Variants in PWWP3B observed in about 807,000 individuals in gnomAD.
The protein encoded by PWWP3B is PWWP domain-containing DNA repair factor 3B.
A neutral mutation model predicts 15.7 loss-of-function variants in PWWP3B; 5 were observed. The ratio of observed to expected loss-of-function variants is 0.32; its 90% CI spans 0.17 to 0.67. The LOEUF (loss-of-function observed/expected upper bound fraction) is 0.67. Among genes scored for constraint, PWWP3B ranks in the 30% least tolerant of loss-of-function variants. The pLI is 0.74. For synonymous variants in PWWP3B, 203 were observed against 179.8 expected (o/e 1.13, Z -1.03); for missense variants, 519 against 493.1 (o/e 1.05, Z -0.50).
intron 2 of PWWP3B, among the ~76,000 whole-genome samples, chrX:106,173,801 A>G (rs1921748474): frequency 8.9e-6 from 1 of 111,829 alleles, no homozygotes. Context: ...CTAGGTTAAT[A>G]TAGAGATACA....
At chrX:106,180,009 C>T (rs1209945068) in intron 2 of PWWP3B, among the ~76,000 whole-genome samples, 1 of 111,237 alleles carries the variant, frequency 9.0e-6, no homozygotes, top group Non-Finnish European at 1.9e-5. Flanking sequence ...CCGTGGCAGC[C>T]ATTATGAATC....
At chrX:106,197,904 T>C (rs1248157181) in intron 2 of PWWP3B, among the ~76,000 whole-genome samples, 1 of 112,030 alleles carries the variant, frequency 8.9e-6, no homozygotes, top group South Asian at 3.7e-4. Context: ...TACAGCTTTT[T>C]ATATCCTAAG....
intron 2 of PWWP3B, chrX:106,177,208 T>G (rs781391970): frequency 8.1e-4 from 92 of 112,992 alleles, no homozygotes; most frequent in African/African-American, 2.8e-3. Flanking sequence ...AACTTGGTGA[T>G]CCTCTTCCCT....
intron 2 of PWWP3B, among the ~76,000 whole-genome samples, chrX:106,201,031 G>GAGTA (rs941126136): frequency 1.9e-5 from 2 of 106,581 alleles, no homozygotes; most frequent in African/African-American, 6.9e-5. Flanking sequence ...CTGGGCGACA[G>GAGTA]AGTAAGACTC....
At chrX:106,185,091 C>A (rs999975599) in intron 2 of PWWP3B, among the ~76,000 whole-genome samples, 1 of 111,805 alleles carries the variant, frequency 8.9e-6, no homozygotes. Context: ...TCCATTTGCC[C>A]TCCCTGTTAC....
intron 2 of PWWP3B, among the ~76,000 whole-genome samples, chrX:106,188,627 C>A (rs183832546): frequency 4.9e-4 from 55 of 112,270 alleles, no homozygotes; most frequent in African/African-American, 1.6e-3. Context: ...GCTGTATAAC[C>A]TTTCCTTTAC....
In PWWP3B at chrX:106,205,650, A is replaced by AGAGCAGT; in HGVS notation, c.219_220insAGCAGTG (p.Glu75SerfsTer27). ...GCCATTGCTGCCTCATTAGGACTAC[A>AGAGCAGT]GTCAGAGGACAGTGCTCCACCTACA... On this transcript the variant is annotated frameshift_variant, in exon 4 of 4. Transcript: ENST00000357175. LOFTEE classifies it low-confidence loss of function (END_TRUNC). 8.3e-7 allele frequency: 1 copy of AGAGCAGT among 1,210,992 alleles called. No homozygotes were observed. The highest frequency in any genetic ancestry group is 1.1e-6 in the Non-Finnish European group (1 of 894,942).
intron 1 of PWWP3B, among the ~76,000 whole-genome samples, chrX:106,170,606 G>A (rs1423368481): frequency 1.8e-5 from 2 of 111,470 alleles, no homozygotes; most frequent in East Asian, 2.8e-4. Context: ...TGTATTAGCC[G>A]ACTATGAGAC....
At position 106,205,599 on chromosome X, in the gene PWWP3B, A is replaced by G. The variant is rs1183117341; in HGVS notation, c.167A>G (p.Lys56Arg). 1.3e-5 allele frequency: 16 copies of G among 1,209,548 alleles called. No homozygotes were observed. Among genetic ancestry groups the G allele is most frequent in the Non-Finnish European group, 1.8e-5 (16 of 894,463 alleles). Residue 56 changes from lysine (K) to arginine (R), a missense_variant, in exon 4 of 4, where the codon AAG (lysine) becomes AGG (arginine). Physicochemically the swap from Lys to Arg is conservative, Grantham distance 26. Coordinates refer to ENST00000357175, the MANE Select transcript of PWWP3B (RefSeq NM_001171020.2). Reference protein sequence around the residue: ...EKIKLDSTETKILNKSQIEAI... With the variant: ...EKIKLDSTETRILNKSQIEAI... Reference sequence around the variant, plus strand: ...ATTAAATTGGACAGCACAGAAACAAAGATCCTAAATAAATCTCAAATTGAA... The same window carrying G: ...ATTAAATTGGACAGCACAGAAACAAGGATCCTAAATAAATCTCAAATTGAA...
In PWWP3B at chrX:106,207,541, A is replaced by T. The variant is rs778716871; in HGVS notation, c.*18A>T. ...CTCACTAAATGTGCTGAAAGTTGAA[A>T]CCATGACAGGGAGCTCTCATAGATA... On this transcript the variant is annotated 3_prime_UTR_variant, in exon 4 of 4. Coordinates refer to ENST00000357175, the MANE Select transcript of PWWP3B (RefSeq NM_001171020.2). 1.1e-4 allele frequency: 125 copies of T among 1,119,821 alleles called. No individual in the cohort carries two copies. In the Middle Eastern group the frequency reaches 1.8e-3, roughly 17 times the overall value. The allele number at this position is 1,119,821 out of a possible 1,213,427, so 92.3% of individuals were successfully genotyped here.
chrX:106,185,949 T>C (rs1248651946), intron 2 of PWWP3B, among the ~76,000 whole-genome samples: 1 of 112,181 alleles, frequency 8.9e-6, no homozygotes, highest in African/African-American at 3.2e-5. Context: ...CATGGGGCTT[T>C]GGGCAAAAAT....
At chrX:106,200,022 T>G (rs776100148) in intron 2 of PWWP3B, among the ~76,000 whole-genome samples, 1 of 111,868 alleles carries the variant, frequency 8.9e-6, no homozygotes, top group South Asian at 3.8e-4. Flanking sequence ...ACAGGGAGAT[T>G]ACATTACCCA....
At chrX:106,189,695 G>T (rs1430723743) in intron 2 of PWWP3B, among the ~76,000 whole-genome samples, 2 of 100,946 alleles carry the variant, frequency 2.0e-5, no homozygotes, top group African/African-American at 7.4e-5. Context: ...TCGGCTCACT[G>T]CAAGCTCTGC....
At chrX:106,176,309 G>C (rs1921897492) in intron 2 of PWWP3B, among the ~76,000 whole-genome samples, 2 of 110,751 alleles carry the variant, frequency 1.8e-5, no homozygotes, top group African/African-American at 6.6e-5. Flanking sequence ...GGCCAGGCTG[G>C]TCTCGAACCG....
chrX:106,184,028 G>A (rs1357432022), intron 2 of PWWP3B, among the ~76,000 whole-genome samples: 4 of 111,865 alleles, frequency 3.6e-5, no homozygotes, highest in East Asian at 2.8e-4. Context: ...AAGCCCTACC[G>A]GGTGATTGGC....
At chrX:106,187,935 G>A (rs1413904471) in intron 2 of PWWP3B, among the ~76,000 whole-genome samples, 1 of 111,493 alleles carries the variant, frequency 9.0e-6, no homozygotes, top group Non-Finnish European at 1.9e-5. Flanking sequence ...TTTTAACTGG[G>A]TACATATTCT....
intron 2 of PWWP3B, among the ~76,000 whole-genome samples, chrX:106,178,238 T>C (rs1922002442): frequency 1.8e-5 from 2 of 111,886 alleles, no homozygotes; most frequent in Admixed American, 9.5e-5. Flanking sequence ...ATCATCTAAG[T>C]GTAAGAGTGA....
At chrX:106,196,601 T>A (rs995768972) in intron 2 of PWWP3B, among the ~76,000 whole-genome samples, 3 of 111,718 alleles carry the variant, frequency 2.7e-5, no homozygotes, top group Non-Finnish European at 5.6e-5. Flanking sequence ...GATTGATTGA[T>A]TTGCAAATGT....
chrX:106,199,581 A>G (rs1041149157), intron 2 of PWWP3B, among the ~76,000 whole-genome samples: 1 of 110,804 alleles, frequency 9.0e-6, no homozygotes, highest in Admixed American at 9.6e-5. Flanking sequence ...TGAACTCTCT[A>G]TCATGATCAA....
Sources: allele counts gnomAD v4.1 joint callset (sites outside exome capture counted in the v4.1 genomes callset), GRCh38; gene constraint gnomAD v4.1.1; transcripts MANE v1.5; gene names NCBI Gene and HGNC (gene_info 2026-07-23, HGNC 2026-07-21).